Variants in HLA-F observed in about 807,000 individuals in gnomAD.
HLA-F encodes HLA class I histocompatibility antigen, alpha chain F.
A neutral mutation model predicts 49.5 loss-of-function variants in HLA-F; 46 were observed. That is an observed-to-expected ratio of 0.93 (90% CI 0.73 to 1.19). The LOEUF (loss-of-function observed/expected upper bound fraction) is 1.19. Ranked by LOEUF, HLA-F falls within the 50% of genes most tolerant of loss-of-function variation. The probability of loss-of-function intolerance (pLI) is 0.00; values close to 1 mark genes in which losing one functional copy is unlikely to be tolerated. For synonymous variants in HLA-F, 203 were observed against 233.5 expected, an observed-to-expected ratio of 0.87 and a Z score of 1.19; for missense variants, 496 against 579.6, an observed-to-expected ratio of 0.86 and a Z score of 1.48.
chr6:29,725,396 C>T (rs764885875), intron 4 of HLA-F, 51 bp from the exon 5 acceptor site: 1 of 1,608,674 alleles, frequency 6.2e-7, no homozygotes, highest in African/African-American at 1.3e-5. Flanking sequence ...TCAGCAGGGT[C>T]AGGGCTGAGG....
intron 3 of HLA-F, chr6:29,735,417 T>C (rs1278260207): frequency 6.7e-6 from 1 of 149,224 alleles, no homozygotes; most frequent in Non-Finnish European, 1.5e-5. Context: ...GAAGGAGAGT[T>C]TTTCCAGACA....
intron 3 of HLA-F, chr6:29,735,315 G>A (rs1334269758): frequency 1.4e-5 from 2 of 144,058 alleles, no homozygotes; most frequent in Non-Finnish European, 3.0e-5. Flanking sequence ...TTATATATAT[G>A]TAGTACTATG....
intron 6 of HLA-F, chr6:29,726,320 G>A: frequency 7.0e-7 from 1 of 1,432,800 alleles, no homozygotes. Context: ...TGACTTGGAT[G>A]TCTTGAGCAT....
At chr6:29,730,930 C>T (rs1158158809), downstream of HLA-F, among the ~76,000 whole-genome samples, 2 of 152,182 alleles carry the variant, frequency 1.3e-5, no homozygotes, top group Non-Finnish European at 1.5e-5. Flanking sequence ...CCTGTCTCTG[C>T]TACCTGCCCC....
Position 29,723,893 on chromosome 6 carries a change from G to T in HLA-F, c.300G>T (p.Arg100Ser). 1 of 1,590,344 alleles carries T rather than the reference G, an allele frequency of 6.3e-7. No homozygotes were observed. The highest frequency in any genetic ancestry group is 8.6e-7 in the Non-Finnish European group (1 of 1,168,342). The change falls in exon 2 of 7, where the codon AGG (arginine) becomes AGT (serine). Residue 100 changes from arginine to serine, a missense_variant. Physicochemically the swap from Arg to Ser is moderately radical, Grantham distance 110. Transcript: ENST00000259951. Reference sequence around the variant, plus strand: ...CACAGACTGACCGAGTGGCCCTGAGGAACCTGCTCCGCCGCTACAACCAGA... The same window carrying T: ...CACAGACTGACCGAGTGGCCCTGAGTAACCTGCTCCGCCGCTACAACCAGA... The part of the protein sequence containing the change: ...ANAQTDRVAL[R>S]NLLRRYNQSE...
chr6:29,735,045 T>C (rs1403206339), intron 3 of HLA-F: 1 of 152,104 alleles, frequency 6.6e-6, no homozygotes, highest in Non-Finnish European at 1.5e-5. Context: ...ACACTACATG[T>C]TGTTTATTCA....
chr6:29,733,032 A>G (rs927292779), intron 3 of HLA-F, among the ~76,000 whole-genome samples: 3 of 152,136 alleles, frequency 2.0e-5, no homozygotes, highest in Non-Finnish European at 2.9e-5. Flanking sequence ...TACTAAAAAT[A>G]CAAAAAATTT....
At chr6:29,732,489 G>A (rs13203046) in intron 3 of HLA-F, among the ~76,000 whole-genome samples, 17 of 152,122 alleles carry the variant, frequency 1.1e-4, no homozygotes, top group Admixed American at 7.2e-4. Context: ...CTGTCACCCA[G>A]GCTGGAGTAC....
Position 29,727,110 on chromosome 6 carries a change from A to G in HLA-F, c.1264A>G (p.Arg422Gly). Residue 422 changes from arginine to glycine, a missense_variant, in exon 7 of 7, where the codon AGG (arginine) becomes GGG (glycine). By Grantham distance (125) the Arg-to-Gly change is moderately radical. Transcript: ENST00000259951. ...CTTTGGCTTCGGCTTTAGGAGGGGC[A>G]GGAGCTTCCTTCTTCGTTCTTGGCA... is the stretch of plus-strand genomic sequence containing the variant. ...LRFGFGFRRG[R>G]SFLLRSWHHL... 1 of 1,611,488 alleles carries G rather than the reference A, an allele frequency of 6.2e-7. No homozygotes were observed. Among genetic ancestry groups the G allele is most frequent in the Non-Finnish European group, 8.5e-7 (1 of 1,179,646 alleles).
At chr6:29,733,131 G>A (rs1479879501) in intron 3 of HLA-F, among the ~76,000 whole-genome samples, 1 of 152,186 alleles carries the variant, frequency 6.6e-6, no homozygotes, top group Non-Finnish European at 1.5e-5. Context: ...GGAGGTTGCA[G>A]TGAGCTGAGG....
At position 29,734,036 on chromosome 6, in the gene HLA-F, GC is replaced by G. The variant is rs1776846744; in HGVS notation, c.404-4081del. On this transcript the variant is annotated intron_variant, in intron 3 of 4. Transcript: ENST00000465459. Reference sequence around the variant, plus strand: ...TTAGGAGACACTCAGTCTCCTGCAGGCCCCCTGGGCATGAGCCACACCAGTG... The same window carrying G: ...TTAGGAGACACTCAGTCTCCTGCAGGCCCCTGGGCATGAGCCACACCAGTG... Among the ~76,000 whole-genome samples the G allele has an allele frequency of 3.9e-5, 6 of 152,248 alleles. No individual in the cohort carries two copies. The South Asian group carries it at 1.0e-3, about 26-fold the overall frequency.
At chr6:29,731,070 A>C (rs1776538079), downstream of HLA-F, among the ~76,000 whole-genome samples, 1 of 151,454 alleles carries the variant, frequency 6.6e-6, no homozygotes, top group Non-Finnish European at 1.5e-5. Context: ...CTTTTCTGAA[A>C]TCTATTCCCT....
downstream of HLA-F, among the ~76,000 whole-genome samples, chr6:29,730,482 A>C (rs1201073872): frequency 6.6e-6 from 1 of 152,214 alleles, no homozygotes; most frequent in African/African-American, 2.4e-5. Context: ...TGGTTACACA[A>C]CATTGTAAAT....
At chr6:29,738,063 G>A (rs1396020082) in intron 3 of HLA-F, 1 of 152,264 alleles carries the variant, frequency 6.6e-6, no homozygotes, top group African/African-American at 2.4e-5. Context: ...CTCCAGAAGT[G>A]GAGATGACAC....
downstream of HLA-F, chr6:29,727,975 T>C (rs1348636419): frequency 1.9e-6 from 1 of 519,012 alleles, no homozygotes; most frequent in Non-Finnish European, 3.8e-6. Context: ...CCTGAGTGTC[T>C]CTACCTCTCA....
chr6:29,731,270 T>TAGAC (rs1312253490), downstream of HLA-F, among the ~76,000 whole-genome samples: 1 of 132,782 alleles, frequency 7.5e-6, no homozygotes, highest in African/African-American at 2.7e-5. Flanking sequence ...GATAGATAGA[T>TAGAC]AGATAGATAG....
Position 29,723,796 on chromosome 6 carries a change from C to A in HLA-F, c.203C>A (p.Pro68Gln), listed in dbSNP as rs754416000. 3 of 1,607,204 alleles carry A rather than the reference C, an allele frequency of 1.9e-6. No homozygotes were observed. The South Asian group carries it at 3.3e-5, about 18-fold the overall frequency. Residue 68 changes from proline (P) to glutamine (Q), a missense_variant, in exon 2 of 7, where the codon CCG (proline) becomes CAG (glutamine). Pro to Gln is a moderately conservative substitution (Grantham distance 76, BLOSUM62 -1). Coordinates refer to ENST00000259951, the MANE Select transcript of HLA-F (RefSeq NM_001098479.2). ...GACGCCGCGATTCCGAGGATGGAGCCGCGGGAGCCGTGGGTGGAGCAAGAG... is the reference window on the plus strand; with the variant it reads ...GACGCCGCGATTCCGAGGATGGAGCAGCGGGAGCCGTGGGTGGAGCAAGAG... ...DSDAAIPRMEPREPWVEQEGP... is the reference protein window; with the variant it reads ...DSDAAIPRMEQREPWVEQEGP...
chr6:29,723,992 C>T (rs776444345), intron 2 of HLA-F, 65 bp downstream of exon 2: 9 of 1,556,802 alleles, frequency 5.8e-6, no homozygotes, highest in East Asian at 2.4e-5. Flanking sequence ...CCGCCCGGGT[C>T]CCTCAGAGTC....
At position 29,723,655 on chromosome 6, in the gene HLA-F, C is replaced by G; in HGVS notation, c.65-3C>G. 6.2e-7 allele frequency: 1 copy of G among 1,607,378 alleles called. No homozygotes were observed. The highest frequency in any genetic ancestry group is 8.5e-7 in the Non-Finnish European group (1 of 1,177,030). ...GCGGGTCTCAGCCCCTCCTCGCCCCCAGGCTCCCACTCCTTGAGGTATTTC... is the reference window on the plus strand; with the variant it reads ...GCGGGTCTCAGCCCCTCCTCGCCCCGAGGCTCCCACTCCTTGAGGTATTTC... On this transcript the variant is annotated splice_polypyrimidine_tract_variant and splice_region_variant and intron_variant, in intron 1 of 6. Coordinates refer to ENST00000259951, the MANE Select transcript of HLA-F (RefSeq NM_001098479.2).
Sources: gnomAD v4.1 joint callset for allele counts (sites outside exome capture counted in the v4.1 genomes callset) on GRCh38, gnomAD v4.1.1 for gene constraint, MANE v1.5 for transcripts, NCBI Gene and HGNC (gene_info 2026-07-23, HGNC 2026-07-21) for gene names.